TBC1D10A: variants seen among roughly 807,000 people sequenced by gnomAD.
TBC1D10A encodes the protein EBP50-PDX interactor of 64 kDa.
In TBC1D10A, 24 loss-of-function variants were observed where a neutral mutation model predicts 52.9. That is an observed-to-expected ratio of 0.45 (90% confidence interval 0.33 to 0.64). The LOEUF (loss-of-function observed/expected upper bound fraction) is 0.64, where lower values mean the gene tolerates loss of function less well. Ranked by LOEUF, TBC1D10A falls within the 30% of genes least tolerant of loss-of-function variation. The pLI is 0.02. For synonymous variants in TBC1D10A, 278 were observed against 282.9 expected (o/e 0.98, Z 0.17); for missense variants, 602 against 687.9 (o/e 0.88, Z 1.40).
At position 30,299,513 on chromosome 22, in the gene TBC1D10A, C is replaced by CA; in HGVS notation, c.347dup (p.Arg117AlafsTer23). On this transcript the variant is annotated frameshift_variant, in exon 3 of 9. Transcript: ENST00000215790. LOFTEE classifies it high-confidence loss of function. ...ACAGGTACTGCCAAGCACGGCCCCG[C>CA]AGAGAAGGCGGGATGCCCTTTTGGC... The CA allele has an allele frequency of 1.9e-6, 3 of 1,614,186 alleles. No homozygotes were observed. The highest frequency in any genetic ancestry group is 2.5e-6 in the Non-Finnish European group (3 of 1,180,010).
chr22:30,310,215 C>T (rs149221928), intron 1 of TBC1D10A, among the ~76,000 whole-genome samples: 4 of 152,300 alleles, frequency 2.6e-5, no homozygotes, highest in African/African-American at 7.2e-5. Context: ...GGGGTCATAA[C>T]GCACACCTCA....
Position 30,299,453 on chromosome 22 carries a change from T to C in TBC1D10A, c.408A>G (p.Gly136=), listed in dbSNP as rs756548918. 5.0e-6 allele frequency: 8 copies of C among 1,614,044 alleles called. 1 individual carries two copies. In the South Asian group the frequency reaches 8.8e-5, roughly 18 times the overall value. The change falls in exon 3 of 9, where the codon GGA becomes GGG. Residue 136 remains glycine (G), a synonymous_variant. Coordinates refer to ENST00000215790, the MANE Select transcript of TBC1D10A (RefSeq NM_031937.3). Reference sequence around the variant, plus strand: ...AGGAAGGGAAACTTACGTCAAACTTTCCAGGGTTCTGCTGTAACTTCACCT... The same window carrying C: ...AGGAAGGGAAACTTACGTCAAACTTCCCAGGGTTCTGCTGTAACTTCACCT... ...GGKVKLQQNP[G]KFDELDMSPG...
intron 2 of TBC1D10A, among the ~76,000 whole-genome samples, chr22:30,302,513 C>T (rs1361484088): frequency 1.3e-5 from 2 of 152,366 alleles, no homozygotes; most frequent in African/African-American, 2.4e-5. Flanking sequence ...AGGTATTATA[C>T]TTCCTGTGCC....
chr22:30,299,177 A>C (rs1044625188), intron 3 of TBC1D10A: 4 of 378,532 alleles, frequency 1.1e-5, no homozygotes, highest in African/African-American at 8.3e-5. Flanking sequence ...ATCAAGAGAA[A>C]GAGCTGGAAT....
intron 3 of TBC1D10A, 66 bp downstream of exon 3, chr22:30,299,378 T>C (rs1421847653): frequency 1.9e-5 from 29 of 1,492,386 alleles, no homozygotes; most frequent in South Asian, 4.6e-5. Context: ...ACATGGAGGA[T>C]TGCCGCCATG....
intron 1 of TBC1D10A, among the ~76,000 whole-genome samples, chr22:30,305,988 C>A (rs899087235): frequency 6.6e-6 from 1 of 152,190 alleles, no homozygotes; most frequent in African/African-American, 2.4e-5. Context: ...AAAAGCAAAG[C>A]AAGGACCACG....
chr22:30,324,795 G>A (rs1416243141), intron 1 of TBC1D10A, among the ~76,000 whole-genome samples: 1 of 152,186 alleles, frequency 6.6e-6, no homozygotes, highest in East Asian at 1.9e-4. Context: ...TTTACAGTGA[G>A]TAAACAGGCT....
In TBC1D10A at chr22:30,292,600, C is replaced by T. The variant is rs767557842; in HGVS notation, c.1302G>A (p.Glu434=). The part of the protein sequence containing the change: ...KPKPPKQAQK[E]QRKQMKGRGQ... ...CTCTCCCCTTCATCTGTTTCCGCTG[C>T]TCCTTCTGGGCCTGCTTGGGTGGCT... is the stretch of plus-strand genomic sequence containing the variant. Residue 434 remains glutamate, a synonymous_variant, in exon 9 of 9, where the codon GAG becomes GAA. Coordinates refer to ENST00000215790, the MANE Select transcript of TBC1D10A (RefSeq NM_031937.3). 5 of 1,613,778 alleles carry T rather than the reference C, an allele frequency of 3.1e-6. No individual in the cohort carries two copies. In the South Asian group the frequency reaches 5.5e-5, roughly 18 times the overall value.
chr22:30,292,057 CT>C lies in TBC1D10A; in HGVS notation c.*317del, dbSNP rs2145758670. On this transcript the variant is annotated 3_prime_UTR_variant, in exon 9 of 9. Transcript: ENST00000215790. ...TATTTTACACAAAGAACACCCCACC[CT>C]TTCCCCTCACACCAGCACCCTAACC... 3.0e-6 allele frequency: 1 copy of C among 331,812 alleles called. No homozygotes were observed. Among genetic ancestry groups the C allele is most frequent in the Non-Finnish European group, 5.5e-6 (1 of 182,656 alleles). 20.6% of individuals were successfully genotyped at this position (331,812 alleles called of 1,614,324 possible). A position where few individuals can be genotyped will look rare whatever the true frequency, so the allele number is the denominator to read the frequency against.
At chr22:30,303,421 C>T (rs1431555142) in intron 2 of TBC1D10A, among the ~76,000 whole-genome samples, 2 of 152,258 alleles carry the variant, frequency 1.3e-5, no homozygotes, top group Non-Finnish European at 2.9e-5. Flanking sequence ...CACAGGGCTT[C>T]ACCATCTACG....
chr22:30,298,925 A>G (rs551523822), intron 3 of TBC1D10A: 3 of 153,696 alleles, frequency 2.0e-5, no homozygotes. Flanking sequence ...TGCTACTCCT[A>G]GGGCTGATGA....
At chr22:30,310,097 G>A (rs1930395046) in intron 1 of TBC1D10A, among the ~76,000 whole-genome samples, 1 of 152,216 alleles carries the variant, frequency 6.6e-6, no homozygotes. Flanking sequence ...GTGTAGGGGA[G>A]AATAAATAGA....
At chr22:30,324,660 G>A (rs1930729000) in intron 1 of TBC1D10A, among the ~76,000 whole-genome samples, 1 of 152,160 alleles carries the variant, frequency 6.6e-6, no homozygotes, top group African/African-American at 2.4e-5. Flanking sequence ...CCCTTAGAAG[G>A]AAAGAAAGAA....
chr22:30,311,862 G>A (rs778912136), intron 1 of TBC1D10A, among the ~76,000 whole-genome samples: 10 of 152,000 alleles, frequency 6.6e-5, no homozygotes, highest in African/African-American at 2.2e-4. Context: ...GCATGATCTC[G>A]GCTCACTGCA....
At chr22:30,325,109 T>G (rs1930739182) in intron 1 of TBC1D10A, among the ~76,000 whole-genome samples, 1 of 152,190 alleles carries the variant, frequency 6.6e-6, no homozygotes, top group African/African-American at 2.4e-5. Flanking sequence ...TTCTCACAAG[T>G]GAATCCCTGG....
intron 2 of TBC1D10A, among the ~76,000 whole-genome samples, chr22:30,299,959 C>G (rs992663396): frequency 2.7e-5 from 4 of 150,480 alleles, no homozygotes; most frequent in African/African-American, 9.8e-5. Context: ...GAGCAAAACT[C>G]TGTCTCAAAA....
intron 1 of TBC1D10A, among the ~76,000 whole-genome samples, chr22:30,314,352 T>C (rs888391731): frequency 2.6e-5 from 4 of 152,198 alleles, no homozygotes; most frequent in African/African-American, 9.7e-5. Flanking sequence ...TTTCTGCTTC[T>C]TAAAATGGGG....
Position 30,314,933 on chromosome 22 carries a change from G to A in TBC1D10A, c.210-10303C>T, listed in dbSNP as rs569339263. 7.9e-5 allele frequency among the ~76,000 whole-genome samples: 12 copies of A among 152,294 alleles called. No individual in the cohort carries two copies. In the South Asian group the frequency reaches 1.7e-3, roughly 21 times the overall value. ...CCCAAGTGACTACCACCACCCAGGA[G>A]GACAGAGGCCCCGGGCAGCACTCTG... On this transcript the variant is annotated intron_variant, in intron 1 of 8. Transcript: ENST00000215790.
intron 3 of TBC1D10A, chr22:30,298,831 G>T (rs1263082384): frequency 6.5e-6 from 1 of 152,768 alleles, no homozygotes; most frequent in Non-Finnish European, 1.5e-5. Flanking sequence ...GATAACAACA[G>T]AGGGCACCCT....
Sources: allele counts gnomAD v4.1 joint callset (sites outside exome capture counted in the v4.1 genomes callset), GRCh38; gene constraint gnomAD v4.1.1; transcripts MANE v1.5; gene names NCBI Gene and HGNC (gene_info 2026-07-23, HGNC 2026-07-21).